CNKSR3: variants seen among roughly 807,000 people sequenced by gnomAD.
The protein encoded by CNKSR3 is CNKSR family member 3, also known as connector enhancer of kinase suppressor of ras 3.
Under a neutral mutation model 67.7 loss-of-function variants are expected in CNKSR3, and 36 were observed. That is an observed-to-expected ratio of 0.53 (90% CI 0.41 to 0.70). The LOEUF (loss-of-function observed/expected upper bound fraction) is 0.70. Ranked by LOEUF, CNKSR3 falls within the 30% of genes least tolerant of loss-of-function variation. The pLI is 0.00. For synonymous variants in CNKSR3, 281 were observed against 271.4 expected, an observed-to-expected ratio of 1.04 and a Z score of -0.35; for missense variants, 630 against 695.2, an observed-to-expected ratio of 0.91 and a Z score of 1.05.
chr6:154,436,267 G>C (rs544965162), intron 4 of CNKSR3, among the ~76,000 whole-genome samples: 1 of 152,172 alleles, frequency 6.6e-6, no homozygotes, highest in African/African-American at 2.4e-5. Context: ...CGCTTCCCAA[G>C]CTCAAGCAAT....
In CNKSR3 at chr6:154,406,504, G is replaced by A; in HGVS notation, c.1518C>T (p.Tyr506=). 1 of 1,614,220 alleles carries A rather than the reference G, an allele frequency of 6.2e-7. No individual in the cohort carries two copies. ...GADYIRGSRC[Y]INSDLHSSAT... is the part of the protein sequence containing the mutation. The stretch of plus-strand genomic sequence containing the variant: ...CGCTGCTGTGGAGATCTGAGTTGAT[G>A]TAGCACCTGCTTCCTCGGATGTAGT... Residue 506 remains tyrosine, a synonymous_variant, in exon 13 of 13, where the codon TAC becomes TAT. Transcript: ENST00000607772.
At chr6:154,411,237 T>C (rs62432690) in intron 10 of CNKSR3, 95 bp from the exon 11 acceptor site, 29,370 of 850,118 alleles carry the variant, frequency 0.035, 614 homozygotes, top group Middle Eastern at 0.076. Context: ...ACACAGAAGA[T>C]AATTTAAATT....
chr6:154,452,061 G>T (rs1024163773), intron 1 of CNKSR3, among the ~76,000 whole-genome samples: 4 of 152,170 alleles, frequency 2.6e-5, no homozygotes, highest in African/African-American at 7.2e-5. Flanking sequence ...AGAGTCAATC[G>T]TCTGCGGGGG....
chr6:154,454,134 GAGAGAGAGAGAT>G (rs1562340223), intron 1 of CNKSR3, among the ~76,000 whole-genome samples: 1 of 143,150 alleles, frequency 7.0e-6, no homozygotes, highest in Admixed American at 6.9e-5. Flanking sequence ...GAGAGAGAGA[GAGAGAGAGAGAT>G]AAGAGCCCGC....
intron 7 of CNKSR3, among the ~76,000 whole-genome samples, chr6:154,426,969 T>C (rs1329248287): frequency 6.6e-6 from 1 of 152,180 alleles, no homozygotes; most frequent in African/African-American, 2.4e-5. Context: ...GTGTGTTGCA[T>C]CTTGTGTCTT....
At position 154,399,435 on chromosome 6, in the gene CNKSR3, A is replaced by G. The variant is rs933655902; in HGVS notation, c.*6919T>C. 1.2e-4 allele frequency: 18 copies of G among 152,274 alleles called. 3 individuals are homozygous for G. The highest frequency in any genetic ancestry group is 3.9e-4 in the Admixed American group (6 of 15,288). 9.4% of individuals were successfully genotyped at this position (152,274 alleles called of 1,614,324 possible). On this transcript the variant is annotated 3_prime_UTR_variant, in exon 13 of 13. Transcript: ENST00000607772. ...TAATCACCATAAGCCTTCGAAGTAG[A>G]TGCTAGTATTATCCCCATTTCATAG...
chr6:154,480,137 C>T (rs545782379), intron 1 of CNKSR3, among the ~76,000 whole-genome samples: 5 of 152,272 alleles, frequency 3.3e-5, no homozygotes, highest in African/African-American at 1.2e-4. Context: ...GGTGCTGGGG[C>T]CGTCTCATTT....
chr6:154,441,423 C>A, intron 3 of CNKSR3, 44 bp from the exon 4 acceptor site: 1 of 1,375,088 alleles, frequency 7.3e-7, no homozygotes, highest in East Asian at 2.3e-5. Flanking sequence ...TAGGGAGAAT[C>A]CACGGGGATC....
rs931646358 is a variant in CNKSR3 at position 154,389,643 on chromosome 6, T to C, written c.*16711A>G. ...TCTTCAGATGACATCGTCTCATATA[T>C]AGAACGCCCTAAGACTCCATTTTTT... is the stretch of plus-strand genomic sequence containing the variant. On this transcript the variant is annotated 3_prime_UTR_variant, in exon 13 of 13. Coordinates refer to ENST00000607772, the MANE Select transcript of CNKSR3 (RefSeq NM_173515.4). The C allele has an allele frequency of 1.3e-5, 2 of 151,258 alleles. No individual in the cohort carries two copies. The highest frequency in any genetic ancestry group is 2.9e-5 in the Non-Finnish European group (2 of 67,976). 9.4% of individuals were successfully genotyped at this position (151,258 alleles called of 1,614,324 possible).
In CNKSR3 at chr6:154,390,747, C is replaced by T. The variant is rs1303212081; in HGVS notation, c.*15607G>A. The T allele has an allele frequency of 2.0e-5, 3 of 150,372 alleles. No homozygotes were observed. Among genetic ancestry groups the T allele is most frequent in the Non-Finnish European group, 2.9e-5 (2 of 67,968 alleles). 9.3% of individuals were successfully genotyped at this position (150,372 alleles called of 1,614,324 possible). A position where few individuals can be genotyped will look rare whatever the true frequency, so the allele number is the denominator to read the frequency against. On this transcript the variant is annotated 3_prime_UTR_variant, in exon 13 of 13. Coordinates refer to ENST00000607772, the MANE Select transcript of CNKSR3 (RefSeq NM_173515.4). ...AACAGAAATGTGTCTTCTCACAGCT[C>T]TGCAGGTGGAAGACTGATCAAGGTG...
At chr6:154,469,636 T>C (rs1446563747) in intron 1 of CNKSR3, among the ~76,000 whole-genome samples, 4 of 152,364 alleles carry the variant, frequency 2.6e-5, no homozygotes, top group African/African-American at 7.2e-5. Context: ...ATCTTTCTTA[T>C]TAAGATGTAA....
Position 154,428,296 on chromosome 6 carries a change from C to T in CNKSR3, c.670-109G>A, listed in dbSNP as rs1785295680. 3 of 724,416 alleles carry T rather than the reference C, an allele frequency of 4.1e-6. No individual in the cohort carries two copies. The South Asian group carries it at 5.0e-5, about 12-fold the overall frequency. 44.9% of individuals were successfully genotyped at this position (724,416 alleles called of 1,614,324 possible). A position where few individuals can be genotyped will look rare whatever the true frequency, so the allele number is the denominator to read the frequency against. ...TAACAACAGTCCCTTCAGAACAATACTCATTTTTCAGCCTCCTGAAACATC... is the reference window on the plus strand; with the variant it reads ...TAACAACAGTCCCTTCAGAACAATATTCATTTTTCAGCCTCCTGAAACATC... On this transcript the variant is annotated intron_variant, in intron 6 of 12. Coordinates refer to ENST00000607772, the MANE Select transcript of CNKSR3 (RefSeq NM_173515.4).
At chr6:154,467,489 G>T (rs770946935) in intron 1 of CNKSR3, among the ~76,000 whole-genome samples, 2 of 152,084 alleles carry the variant, frequency 1.3e-5, no homozygotes, top group Non-Finnish European at 2.9e-5. Context: ...CCAACAACTG[G>T]AGATGCCATC....
At chr6:154,488,008 C>T (rs1376530862) in intron 1 of CNKSR3, among the ~76,000 whole-genome samples, 1 of 151,870 alleles carries the variant, frequency 6.6e-6, no homozygotes, top group Non-Finnish European at 1.5e-5. Context: ...ACAAACCAAA[C>T]AACTCTAATC....
intron 9 of CNKSR3, 126 bp from the exon 10 acceptor site, chr6:154,414,549 G>A: frequency 3.1e-6 from 3 of 957,146 alleles, no homozygotes; most frequent in East Asian, 2.4e-5. Context: ...GGTCATTCAT[G>A]TGTTTACAGA....
At chr6:154,495,109 C>A (rs535801940) in intron 1 of CNKSR3, among the ~76,000 whole-genome samples, 48 of 152,330 alleles carry the variant, frequency 3.2e-4, no homozygotes, top group African/African-American at 1.1e-3. Context: ...TTAACTAACA[C>A]TGCCCTATTC....
intron 10 of CNKSR3, 31 bp from the exon 11 acceptor site, chr6:154,411,173 G>T: frequency 6.7e-7 from 1 of 1,500,318 alleles, no homozygotes; most frequent in Non-Finnish European, 9.3e-7. Flanking sequence ...TAATTAAGTT[G>T]TTTACAAAGA....
At position 154,404,649 on chromosome 6, in the gene CNKSR3, T is replaced by C. The variant is rs1784753610; in HGVS notation, c.*1705A>G. The C allele has an allele frequency of 1.3e-5, 2 of 152,110 alleles. No individual in the cohort carries two copies. The highest frequency in any genetic ancestry group is 2.4e-5 in the African/African-American group (1 of 41,400). The allele number at this position is 152,110 out of a possible 1,614,324, so 9.4% of individuals were successfully genotyped here. On this transcript the variant is annotated 3_prime_UTR_variant, in exon 13 of 13. Coordinates refer to ENST00000607772, the MANE Select transcript of CNKSR3 (RefSeq NM_173515.4). ...GAGTTTGAGACCAGCCTGGCCAACG[T>C]AGTGAAACCCCGTCTCCACTAAAAA...
At chr6:154,412,298 C>T (rs987000454) in intron 10 of CNKSR3, among the ~76,000 whole-genome samples, 1 of 152,206 alleles carries the variant, frequency 6.6e-6, no homozygotes, top group African/African-American at 2.4e-5. Flanking sequence ...GTAATCCATT[C>T]CCATTTTTCA....
Sources: gnomAD v4.1 joint callset for allele counts (sites outside exome capture counted in the v4.1 genomes callset) on GRCh38, gnomAD v4.1.1 for gene constraint, MANE v1.5 for transcripts, NCBI Gene and HGNC (gene_info 2026-07-23, HGNC 2026-07-21) for gene names.